NAV1: variants seen among roughly 807,000 people sequenced by gnomAD.
The protein encoded by NAV1 is neuron navigator 1, also known as pore membrane and/or filament interacting like protein 3.
A neutral mutation model predicts 175.2 loss-of-function variants in NAV1; 18 were observed. That is an observed-to-expected ratio of 0.10 (90% confidence interval 0.07 to 0.15). The LOEUF (loss-of-function observed/expected upper bound fraction) is 0.15. Ranked by LOEUF, NAV1 falls within the 10% of genes least tolerant of loss-of-function variation. The pLI, the probability that NAV1 is intolerant of heterozygous loss-of-function variation, is 1.00. For synonymous variants in NAV1, 897 were observed against 978.7 expected, an observed-to-expected ratio of 0.92 and a Z score of 1.56; for missense variants, 1,731 against 2,436.6, an observed-to-expected ratio of 0.71 and a Z score of 6.10.
intron 1 of NAV1, among the ~76,000 whole-genome samples, chr1:201,668,704 A>G (rs1439323763): frequency 6.6e-6 from 1 of 152,102 alleles, no homozygotes; most frequent in Non-Finnish European, 1.5e-5. Flanking sequence ...TCTGTAGTGT[A>G]TAAAATTGAC....
rs184795846 is a variant in NAV1 at position 201,790,496 on chromosome 1, C to T, written c.3220-58C>T. On this transcript the variant is annotated intron_variant, in intron 11 of 29. Coordinates refer to ENST00000367296, the Ensembl canonical transcript of NAV1. ...TGCCACTGGGACCTGACTTCTTCAC[C>T]TCCATAGTAACTACTTCCTTTCTCT... The T allele has an allele frequency of 2.2e-3, 3,469 of 1,596,102 alleles. 6 individuals carry two copies. Among genetic ancestry groups the T allele is most frequent in the Non-Finnish European group, 2.7e-3 (3,197 of 1,164,204 alleles).
At chr1:201,672,577 A>G (rs905659302) in intron 1 of NAV1, among the ~76,000 whole-genome samples, 3 of 152,186 alleles carry the variant, frequency 2.0e-5, no homozygotes, top group Admixed American at 1.3e-4. Flanking sequence ...TTCACATTTT[A>G]TGGGCCAGGA....
chr1:201,661,720 C>G lies in NAV1; in HGVS notation c.757+12295C>G, dbSNP rs74136659. The stretch of plus-strand genomic sequence containing the variant: ...ATGGCTGGTTCTGCAGATGTCAGCC[C>G]CATCAGCATTTCAGGGAACGACTTC... On this transcript the variant is annotated intron_variant, in intron 1 of 29. Coordinates refer to ENST00000367296, the Ensembl canonical transcript of NAV1. Among the ~76,000 whole-genome samples, 1,221 of 152,168 alleles carry G rather than the reference C, an allele frequency of 8.0e-3. 33 individuals are homozygous for G. Among genetic ancestry groups the G allele is most frequent in the African/African-American group, 0.028 (1,178 of 41,498 alleles).
chr1:201,542,305 C>T (rs572066572), intron 1 of NAV1, among the ~76,000 whole-genome samples: 1 of 152,336 alleles, frequency 6.6e-6, no homozygotes, highest in South Asian at 2.1e-4. Flanking sequence ...AGACAGCTAT[C>T]TCTGTGATGG....
At chr1:201,723,967 T>A (rs1270671199) in intron 3 of NAV1, 1 of 152,072 alleles carries the variant, frequency 6.6e-6, no homozygotes, top group East Asian at 1.9e-4. Flanking sequence ...AAAGAAAAAG[T>A]CCCTAGCTTA....
chr1:201,687,533 A>C (rs1413131540), intron 1 of NAV1, among the ~76,000 whole-genome samples: 1 of 152,226 alleles, frequency 6.6e-6, no homozygotes, highest in Non-Finnish European at 1.5e-5. Flanking sequence ...AGCACTTAAC[A>C]TACGTTATCT....
In NAV1 at chr1:201,807,891, G is replaced by A; in HGVS notation, c.3649-62G>A. 1 of 1,540,870 alleles carries A rather than the reference G, an allele frequency of 6.5e-7. No individual in the cohort carries two copies. The highest frequency in any genetic ancestry group is 1.1e-5 in the South Asian group (1 of 88,064). ...TCTCTGTCTCAGAAGTCTCAATCCA[G>A]TCCTCCCCCATCCCAGTAGTGGAGT... On this transcript the variant is annotated intron_variant, in intron 17 of 29. Coordinates refer to ENST00000367296, the Ensembl canonical transcript of NAV1. This position sits in a 1 kb window ranked among gnomAD's most constrained non-coding sequence, Gnocchi z 5.4.
intron 15 of NAV1, chr1:201,797,951 T>A (rs1677566105): frequency 6.6e-6 from 1 of 152,244 alleles, no homozygotes; most frequent in South Asian, 2.1e-4. Context: ...CAACCACGTT[T>A]GGATGTTTCC....
intron 28 of NAV1, 59 bp from the exon 33 acceptor site, chr1:201,817,029 A>G (rs1679083312): frequency 6.6e-7 from 1 of 1,525,422 alleles, no homozygotes; most frequent in Non-Finnish European, 9.0e-7. Flanking sequence ...AAAAGACTGC[A>G]TGAACAAGCC....
rs960315724 is a variant in NAV1, at chr1:201,615,275, T to A, written c.-32-7578T>A. Among the ~76,000 whole-genome samples, 8 of 151,420 alleles carry A rather than the reference T, an allele frequency of 5.3e-5. No individual in the cohort carries two copies. In the East Asian group the frequency reaches 1.4e-3, roughly 26 times the overall value. On this transcript the variant is annotated intron_variant, in intron 2 of 33. Transcript: ENST00000685211. ...TCTTTCTTTCTTTCTTTCTTTTTTT[T>A]TTTGTTTGAGATGGAGTCTCACTCT...
chr1:201,596,511 A>G (rs892782386), intron 2 of NAV1, among the ~76,000 whole-genome samples: 1 of 152,230 alleles, frequency 6.6e-6, no homozygotes, highest in Admixed American at 6.5e-5. Flanking sequence ...AGAACTCCTC[A>G]GGACTTTTTG....
chr1:201,545,728 G>A (rs1472197092), intron 1 of NAV1, among the ~76,000 whole-genome samples: 1 of 152,230 alleles, frequency 6.6e-6, no homozygotes, highest in African/African-American at 2.4e-5. Context: ...TTATCAGATA[G>A]ACAAAGCAGA....
chr1:201,604,208 C>A (rs967309848), intron 2 of NAV1, among the ~76,000 whole-genome samples: 1 of 152,186 alleles, frequency 6.6e-6, no homozygotes, highest in Non-Finnish European at 1.5e-5. Flanking sequence ...GCATGTGGCA[C>A]CACGCCTAGC....
Position 201,663,620 on chromosome 1 carries a change from T to C in NAV1, c.757+14195T>C, listed in dbSNP as rs190641265. 1.1e-3 allele frequency among the ~76,000 whole-genome samples: 163 copies of C among 152,318 alleles called. 2 individuals are homozygous for C. Among genetic ancestry groups the C allele is most frequent in the Admixed American group, 4.4e-3 (67 of 15,298 alleles). On this transcript the variant is annotated intron_variant, in intron 1 of 29. Transcript: ENST00000367296. ...TAAAATCTGCCTCAGTGGCCTGTTATCACACAGCTGGGAGGACATCTGGGG... is the reference window on the plus strand; with the variant it reads ...TAAAATCTGCCTCAGTGGCCTGTTACCACACAGCTGGGAGGACATCTGGGG...
chr1:201,651,011 TTTGGCAGGCACC>T (rs1193533844), intron 1 of NAV1, among the ~76,000 whole-genome samples: 1 of 151,960 alleles, frequency 6.6e-6, no homozygotes, highest in African/African-American at 2.4e-5. Context: ...TTAATAAATT[TTTGGCAGGCACC>T]ATGGCAGGCA....
rs993273821 is a variant in NAV1, at chr1:201,799,882, A to G, written c.3518-3711A>G. Reference sequence around the variant, plus strand: ...TCTCAAAAAAAAAAAAAAAAGTACTATATAGTGTATTTTTTAAATGTAACT... The same window carrying G: ...TCTCAAAAAAAAAAAAAAAAGTACTGTATAGTGTATTTTTTAAATGTAACT... On this transcript the variant is annotated intron_variant, in intron 15 of 29. Coordinates refer to ENST00000367296, the Ensembl canonical transcript of NAV1. Among the ~76,000 whole-genome samples the G allele has an allele frequency of 2.0e-5, 3 of 151,714 alleles. No homozygotes were observed. In the East Asian group the frequency reaches 5.8e-4, roughly 29 times the overall value.
rs765173429 is a variant in NAV1, at chr1:201,809,899, C to T, written c.4402-47C>T. The T allele has an allele frequency of 3.2e-6, 5 of 1,556,770 alleles. No homozygotes were observed. In the South Asian group the frequency reaches 3.4e-5, roughly 11 times the overall value. ...GACATTCTTTGTTGTGGCTTTTACA[C>T]CTGTGTTTGTATATTTTCTTCTTCT... On this transcript the variant is annotated intron_variant, in intron 22 of 29. Transcript: ENST00000367296.
At chr1:201,803,457 G>C (rs1000390921) in intron 15 of NAV1, 136 bp from the exon 20 acceptor site, 37 of 857,026 alleles carry the variant, frequency 4.3e-5, no homozygotes, top group Non-Finnish European at 6.2e-5. Flanking sequence ...CTGAATGAAT[G>C]ATCCAAAAAA....
chr1:201,785,788 CTTTTTTTTTTT>C lies in NAV1; in HGVS notation c.2846+449_2846+459del, dbSNP rs34841837. Among the ~76,000 whole-genome samples, 146 of 99,554 alleles carry C rather than the reference CTTTTTTTTTTT, an allele frequency of 1.5e-3. 2 individuals carry two copies. The highest frequency in any genetic ancestry group is 5.4e-3 in the African/African-American group (140 of 25,748). The allele number at this position is 99,554 out of a possible 152,430, so 65.3% of individuals were successfully genotyped here. A position where few individuals can be genotyped will look rare whatever the true frequency, so the allele number is the denominator to read the frequency against. On this transcript the variant is annotated intron_variant, in intron 8 of 29. Transcript: ENST00000367296. ...TTCAGTTGGGTGGCAACTATTGCAA[CTTTTTTTTTTT>C]TTTTTTTTTTTGAGACGGAGTCTCG...
Sources: allele counts gnomAD v4.1 joint callset (sites outside exome capture counted in the v4.1 genomes callset), GRCh38; gene constraint gnomAD v4.1.1; non-coding constraint Gnocchi (gnomAD v3.1); transcripts MANE v1.5; gene names NCBI Gene and HGNC (gene_info 2026-07-23, HGNC 2026-07-21).